The following SRBD1 variants were observed in gnomAD, a reference collection of about 807,000 sequenced individuals.
The protein encoded by SRBD1 is S1 RNA-binding domain-containing protein 1.
A neutral mutation model predicts 115.3 loss-of-function variants in SRBD1; 88 were observed. The ratio of observed to expected loss-of-function variants is 0.76; its 90% confidence interval spans 0.64 to 0.91. The LOEUF is 0.91. Ranked by LOEUF, SRBD1 falls within the 40% of genes least tolerant of loss-of-function variation. SRBD1 has a pLI of 0.00. For missense variants in SRBD1, 1,385 were observed against 1,177.4 expected, an observed-to-expected ratio of 1.18 and a Z score of -2.58; for synonymous variants, 509 against 407.7, an observed-to-expected ratio of 1.25 and a Z score of -2.99.
chr2:45,603,998 A>C (rs1674183107), intron 2 of SRBD1, among the ~76,000 whole-genome samples: 2 of 152,128 alleles, frequency 1.3e-5, no homozygotes, highest in Non-Finnish European at 2.9e-5. Context: ...CAGTCTTTCC[A>C]AAATGTCTGT....
intron 19 of SRBD1, among the ~76,000 whole-genome samples, chr2:45,410,923 C>G (rs538429709): frequency 3.3e-5 from 5 of 152,260 alleles, no homozygotes; most frequent in African/African-American, 1.2e-4. Flanking sequence ...CCCTATACAT[C>G]TTCTTCATCT....
intron 14 of SRBD1, among the ~76,000 whole-genome samples, chr2:45,506,966 T>C (rs1022310259): frequency 6.6e-6 from 1 of 152,206 alleles, no homozygotes; most frequent in South Asian, 2.1e-4. Context: ...CCAGACTTCC[T>C]AGCATCTCAT....
intron 4 of SRBD1, among the ~76,000 whole-genome samples, chr2:45,590,273 A>T (rs553264506): frequency 6.6e-6 from 1 of 152,322 alleles, no homozygotes; most frequent in East Asian, 1.9e-4. Flanking sequence ...CGCTGAACTA[A>T]CTCTGGGAGG....
At chr2:45,604,443 G>C (rs1674201893) in intron 2 of SRBD1, among the ~76,000 whole-genome samples, 1 of 152,078 alleles carries the variant, frequency 6.6e-6, no homozygotes, top group Admixed American at 6.5e-5. Flanking sequence ...AACATTTAGA[G>C]GGTGGTGAGA....
chr2:45,394,596 T>G (rs942468615), intron 19 of SRBD1, among the ~76,000 whole-genome samples: 3 of 152,216 alleles, frequency 2.0e-5, no homozygotes, highest in Non-Finnish European at 4.4e-5. Context: ...GCTTGTGATT[T>G]TAAGTCTTTT....
chr2:45,414,419 C>CATATAT (rs1553383929), intron 18 of SRBD1, among the ~76,000 whole-genome samples: 8 of 151,064 alleles, frequency 5.3e-5, no homozygotes, highest in African/African-American at 1.9e-4. Context: ...TGTGTATATA[C>CATATAT]ACATATATAC....
chr2:45,423,015 G>C (rs1293660312), intron 16 of SRBD1, among the ~76,000 whole-genome samples: 5 of 152,156 alleles, frequency 3.3e-5, no homozygotes, highest in Non-Finnish European at 2.9e-5. Context: ...AGTAATCTCT[G>C]ACTTGACTTG....
chr2:45,395,834 T>C (rs967852401), intron 19 of SRBD1, among the ~76,000 whole-genome samples: 71 of 152,332 alleles, frequency 4.7e-4, no homozygotes, highest in African/African-American at 1.6e-3. Context: ...TAAACATATG[T>C]TCCTTAAATA....
chr2:45,553,779 G>C, intron 10 of SRBD1, 49 bp from the exon 11 acceptor site: 1 of 1,250,736 alleles, frequency 8.0e-7, no homozygotes, highest in East Asian at 2.5e-5. Flanking sequence ...AATAAATAAG[G>C]CCATAAAAAG....
intron 10 of SRBD1, 112 bp downstream of exon 10, chr2:45,562,541 C>G: frequency 1.2e-6 from 1 of 860,366 alleles, no homozygotes; most frequent in Non-Finnish European, 1.7e-6. Context: ...CTGTCACTGG[C>G]TTTTTAAAAA....
chr2:45,589,039 C>A (rs1205355532), intron 4 of SRBD1, among the ~76,000 whole-genome samples: 2 of 152,196 alleles, frequency 1.3e-5, no homozygotes, highest in Non-Finnish European at 2.9e-5. Flanking sequence ...GTTCCCTCCC[C>A]CCTCAAGCTC....
chr2:45,517,064 A>G (rs1433381856), intron 14 of SRBD1, among the ~76,000 whole-genome samples: 1 of 152,232 alleles, frequency 6.6e-6, no homozygotes, highest in Non-Finnish European at 1.5e-5. Context: ...TATAGCAAAA[A>G]GTTAAAATAT....
intron 14 of SRBD1, among the ~76,000 whole-genome samples, chr2:45,491,652 A>C (rs1670295036): frequency 6.6e-6 from 1 of 152,206 alleles, no homozygotes; most frequent in Non-Finnish European, 1.5e-5. Flanking sequence ...TCTATAATTA[A>C]ATTGATAATT....
intron 14 of SRBD1, among the ~76,000 whole-genome samples, chr2:45,517,612 G>A (rs1177359468): frequency 2.0e-5 from 3 of 152,144 alleles, no homozygotes; most frequent in Admixed American, 2.0e-4. Context: ...CTCTGAATAT[G>A]AGTTTCAGAA....
chr2:45,422,793 T>C (rs1466103909), intron 16 of SRBD1, among the ~76,000 whole-genome samples: 1 of 152,208 alleles, frequency 6.6e-6, no homozygotes, highest in African/African-American at 2.4e-5. Flanking sequence ...TTTCAGTGTA[T>C]TTTTCAGAAA....
intron 19 of SRBD1, among the ~76,000 whole-genome samples, chr2:45,410,389 T>C (rs1003420639): frequency 6.6e-6 from 1 of 152,080 alleles, no homozygotes; most frequent in African/African-American, 2.4e-5. Flanking sequence ...TTTTCTAAGA[T>C]AAATGAAAAC....
intron 18 of SRBD1, among the ~76,000 whole-genome samples, chr2:45,415,405 CACACATATAGTGTGTATATGTGTAT>C (rs1667786180): frequency 9.4e-6 from 1 of 106,802 alleles, no homozygotes; most frequent in Non-Finnish European, 1.8e-5. Flanking sequence ...TATGTATATA[CACACATATAGTGTGTATATGTGTAT>C]ATACACACAT....
At chr2:45,598,203 T>C (rs532971271) in intron 4 of SRBD1, among the ~76,000 whole-genome samples, 2 of 152,340 alleles carry the variant, frequency 1.3e-5, no homozygotes, top group East Asian at 3.9e-4. Flanking sequence ...AGCCTAATTA[T>C]ACTCTGTTTT....
intron 16 of SRBD1, among the ~76,000 whole-genome samples, chr2:45,452,250 T>C (rs1191426927): frequency 6.6e-6 from 1 of 151,954 alleles, no homozygotes. Flanking sequence ...ATTTGCCACA[T>C]CTAACTTAAC....
Sources: gnomAD v4.1 joint callset for allele counts (sites outside exome capture counted in the v4.1 genomes callset) on GRCh38, gnomAD v4.1.1 for gene constraint, MANE v1.5 for transcripts, NCBI Gene and HGNC (gene_info 2026-07-23, HGNC 2026-07-21) for gene names.